The following PPHLN1 variants were observed in gnomAD, a reference collection of about 807,000 sequenced individuals.
The protein encoded by PPHLN1 is periphilin-1.
In PPHLN1, 29 loss-of-function variants were observed where a neutral mutation model predicts 51.3. The observed-to-expected ratio is 0.57, with a 90% CI of 0.42 to 0.77. PPHLN1 has a LOEUF of 0.77. Among genes scored for constraint, PPHLN1 ranks in the 30% least tolerant of loss-of-function variants. PPHLN1 has a pLI of 0.00. For synonymous variants in PPHLN1, 147 were observed against 147.8 expected, an observed-to-expected ratio of 0.99 and a Z score of 0.04; for missense variants, 436 against 438.4, an observed-to-expected ratio of 0.99 and a Z score of 0.05.
intron 4 of PPHLN1, among the ~76,000 whole-genome samples, chr12:42,362,146 T>C (rs530143734): frequency 2.6e-5 from 4 of 152,358 alleles, no homozygotes; most frequent in African/African-American, 7.2e-5. Flanking sequence ...TGACTAGTGG[T>C]GATGAACATC....
In PPHLN1 at chr12:42,385,786, T is replaced by C. The variant is rs191101047; in HGVS notation, c.568+790T>C. 6.1e-4 allele frequency among the ~76,000 whole-genome samples: 93 copies of C among 152,332 alleles called. 1 individual carries two copies. The highest frequency in any genetic ancestry group is 3.3e-3 in the Admixed American group (50 of 15,294). On this transcript the variant is annotated intron_variant, in intron 6 of 9. Transcript: ENST00000358314. ...TGATTTTCGAGTGCCTACCCTTTTC[T>C]TGAAGGACTTGAGCTAAGTAGGCCA...
chr12:42,410,547 G>T (rs889270493), intron 9 of PPHLN1, among the ~76,000 whole-genome samples: 8 of 152,174 alleles, frequency 5.3e-5, no homozygotes, highest in African/African-American at 9.7e-5. Flanking sequence ...TAGACTTGCT[G>T]TAAATGTTTG....
At chr12:42,406,086 GT>G (rs56927510) in intron 9 of PPHLN1, among the ~76,000 whole-genome samples, 66 of 135,198 alleles carry the variant, frequency 4.9e-4, no homozygotes, top group African/African-American at 5.3e-4. Context: ...GTTTAGTCTG[GT>G]TTTTTTTTTT....
At chr12:42,363,945 C>T (rs988919920) in intron 4 of PPHLN1, among the ~76,000 whole-genome samples, 1 of 152,078 alleles carries the variant, frequency 6.6e-6, no homozygotes, top group South Asian at 2.1e-4. Context: ...CCTTAGCGGT[C>T]GGGCTCAGTG....
chr12:42,426,326 A>G (rs1222943498), intron 9 of PPHLN1, among the ~76,000 whole-genome samples: 1 of 152,066 alleles, frequency 6.6e-6, no homozygotes, highest in Non-Finnish European at 1.5e-5. Flanking sequence ...CTTCAAAACC[A>G]AGCAAGTTCA....
rs1353994155 is a variant in PPHLN1 at position 42,442,131 on chromosome 12, A to G, written c.*622A>G. The G allele has an allele frequency of 4.2e-6, 1 of 240,074 alleles. No individual in the cohort carries two copies. Among genetic ancestry groups the G allele is most frequent in the Admixed American group, 6.5e-5 (1 of 15,422 alleles). The allele number at this position is 240,074 out of a possible 1,614,324, so 14.9% of individuals were successfully genotyped here. Reference sequence around the variant, plus strand: ...TGATGTATGAGTCTTAAATAATATCATATACAAGACTAATAAATAGAAGAT... The same window carrying G: ...TGATGTATGAGTCTTAAATAATATCGTATACAAGACTAATAAATAGAAGAT... On this transcript the variant is annotated 3_prime_UTR_variant, in exon 10 of 10. Coordinates refer to ENST00000358314, the MANE Select transcript of PPHLN1 (RefSeq NM_201439.2).
At chr12:42,407,297 A>G (rs942560264) in intron 9 of PPHLN1, among the ~76,000 whole-genome samples, 1 of 152,238 alleles carries the variant, frequency 6.6e-6, no homozygotes, top group African/African-American at 2.4e-5. Context: ...CCAGGGCTAC[A>G]GGGTTACAGA....
intron 4 of PPHLN1, among the ~76,000 whole-genome samples, chr12:42,371,668 G>C (rs1222988576): frequency 6.6e-6 from 1 of 152,064 alleles, no homozygotes; most frequent in Non-Finnish European, 1.5e-5. Flanking sequence ...TGTACCTTTT[G>C]AGCACTTGAA....
intron 9 of PPHLN1, among the ~76,000 whole-genome samples, chr12:42,431,428 T>C (rs951214727): frequency 1.3e-5 from 2 of 151,958 alleles, no homozygotes; most frequent in Non-Finnish European, 2.9e-5. Context: ...AGCCAGCAAC[T>C]TTTTTTTAAT....
intron 4 of PPHLN1, among the ~76,000 whole-genome samples, chr12:42,357,123 A>C (rs980650609): frequency 2.0e-5 from 3 of 152,234 alleles, no homozygotes; most frequent in Non-Finnish European, 4.4e-5. Context: ...AAAGGAAATA[A>C]AAGTGAATCA....
At chr12:42,428,618 A>G (rs1172504585) in intron 9 of PPHLN1, among the ~76,000 whole-genome samples, 1 of 152,056 alleles carries the variant, frequency 6.6e-6, no homozygotes, top group Non-Finnish European at 1.5e-5. Flanking sequence ...ACTCAGGGGA[A>G]AAGAGTGGGA....
In PPHLN1 at chr12:42,390,538, A is replaced by T. The variant is rs2077595863; in HGVS notation, c.648+3003A>T. On this transcript the variant is annotated intron_variant, in intron 7 of 9. Transcript: ENST00000358314. ...GTTTTAGTGGAAAACAACCATGTTG[A>T]ATTTTTAACTACTTTTGTCTGATAG... 3.9e-5 allele frequency among the ~76,000 whole-genome samples: 6 copies of T among 152,308 alleles called. No individual in the cohort carries two copies. The South Asian group carries it at 1.0e-3, about 26-fold the overall frequency.
intron 3 of PPHLN1, 27 bp from the exon 4 acceptor site, chr12:42,355,130 CAAAT>C: frequency 1.2e-6 from 2 of 1,601,864 alleles, no homozygotes; most frequent in Non-Finnish European, 1.7e-6. Flanking sequence ...ATAATGTAAA[CAAAT>C]AGCTAAGTAG....
At chr12:42,396,796 A>C (rs936001763) in intron 8 of PPHLN1, among the ~76,000 whole-genome samples, 1 of 151,482 alleles carries the variant, frequency 6.6e-6, no homozygotes, top group African/African-American at 2.4e-5. Context: ...TCTCAGAAAA[A>C]AAAGAAATGG....
intron 2 of PPHLN1, among the ~76,000 whole-genome samples, chr12:42,338,790 A>G (rs1164092325): frequency 6.6e-6 from 1 of 152,232 alleles, no homozygotes; most frequent in African/African-American, 2.4e-5. Context: ...GCCCCGTCTT[A>G]GATAATTAAA....
chr12:42,326,564 T>A (rs1169785941), intron 1 of PPHLN1, among the ~76,000 whole-genome samples: 2 of 152,196 alleles, frequency 1.3e-5, no homozygotes, highest in Non-Finnish European at 2.9e-5. Flanking sequence ...CTTTGGGAAC[T>A]ACAAAATAAA....
chr12:42,410,937 CAT>C (rs2079754419), intron 9 of PPHLN1, among the ~76,000 whole-genome samples: 1 of 151,958 alleles, frequency 6.6e-6, no homozygotes, highest in Non-Finnish European at 1.5e-5. Flanking sequence ...GCAGTTTCAC[CAT>C]AATGTATCTA....
intron 2 of PPHLN1, 109 bp from the exon 3 acceptor site, chr12:42,351,776 C>T (rs2073393641): frequency 1.3e-6 from 1 of 777,368 alleles, no homozygotes; most frequent in South Asian, 2.6e-5. Context: ...TTTGTTTATA[C>T]ATTTAGCTCA....
intron 3 of PPHLN1, among the ~76,000 whole-genome samples, chr12:42,354,583 T>C (rs1054180813): frequency 6.6e-6 from 1 of 152,180 alleles, no homozygotes; most frequent in Non-Finnish European, 1.5e-5. Flanking sequence ...TTTGCAAATA[T>C]GTCTTAGAGA....
Sources: allele counts gnomAD v4.1 joint callset (sites outside exome capture counted in the v4.1 genomes callset), GRCh38; gene constraint gnomAD v4.1.1; transcripts MANE v1.5; gene names NCBI Gene and HGNC (gene_info 2026-07-23, HGNC 2026-07-21).